The following EPHA3 variants were observed in gnomAD, a reference collection of about 807,000 sequenced individuals.
The protein encoded by EPHA3 is EPH receptor A3, also known as ephrin type-A receptor 3.
EPHA3 carries 42 observed loss-of-function variants against 107.1 expected under a neutral mutation model. That is an observed-to-expected ratio of 0.39 (90% CI 0.31 to 0.51). The LOEUF is 0.51. Ranked by LOEUF, EPHA3 falls within the 20% of genes least tolerant of loss-of-function variation. EPHA3 has a pLI of 0.78. For missense variants in EPHA3, 1,183 were observed against 1,211.2 expected, an observed-to-expected ratio of 0.98 and a Z score of 0.35; for synonymous variants, 461 against 424.8, an observed-to-expected ratio of 1.09 and a Z score of -1.05.
intron 2 of EPHA3, among the ~76,000 whole-genome samples, chr3:89,197,024 G>T (rs1253927126): frequency 6.6e-6 from 1 of 152,092 alleles, no homozygotes; most frequent in Non-Finnish European, 1.5e-5. Context: ...CTTCAGCACA[G>T]CAGCCTGTGA....
intron 3 of EPHA3, among the ~76,000 whole-genome samples, chr3:89,242,874 T>A (rs1158607616): frequency 2.2e-4 from 34 of 151,900 alleles, no homozygotes; most frequent in Middle Eastern, 3.4e-3. Context: ...ATTTAACGTT[T>A]GGTATATCTC....
chr3:89,217,786 A>G (rs1704253432), intron 3 of EPHA3, among the ~76,000 whole-genome samples: 1 of 152,236 alleles, frequency 6.6e-6, no homozygotes, highest in South Asian at 2.1e-4. Context: ...CTTTTTTAAC[A>G]TGAAGACTAA....
intron 3 of EPHA3, among the ~76,000 whole-genome samples, chr3:89,323,502 G>A (rs1707090720): frequency 6.6e-6 from 1 of 152,062 alleles, no homozygotes; most frequent in South Asian, 2.1e-4. Flanking sequence ...ACTTTAAATT[G>A]TTGGTCCAAT....
At chr3:89,359,456 G>T (rs1708039574) in intron 5 of EPHA3, among the ~76,000 whole-genome samples, 1 of 150,554 alleles carries the variant, frequency 6.6e-6, no homozygotes, top group African/African-American at 2.4e-5. Context: ...TGCACACTTT[G>T]TTGAGAAGTA....
chr3:89,216,593 G>A (rs553177193), intron 3 of EPHA3, among the ~76,000 whole-genome samples: 18 of 152,072 alleles, frequency 1.2e-4, no homozygotes, highest in African/African-American at 4.3e-4. Context: ...TTAACTTAAG[G>A]TGTTTTATAT....
intron 3 of EPHA3, among the ~76,000 whole-genome samples, chr3:89,303,991 T>C (rs1376410563): frequency 2.0e-5 from 3 of 152,328 alleles, no homozygotes; most frequent in South Asian, 4.1e-4. Context: ...TTTTCCTTGC[T>C]GATTTTCAAA....
intron 3 of EPHA3, among the ~76,000 whole-genome samples, chr3:89,260,129 T>C (rs1705380818): frequency 1.3e-5 from 2 of 152,348 alleles, no homozygotes; most frequent in South Asian, 4.1e-4. Flanking sequence ...TGAGTAATGC[T>C]GAAATGAACA....
At chr3:89,116,859 T>C (rs1407953317) in intron 1 of EPHA3, among the ~76,000 whole-genome samples, 2 of 152,138 alleles carry the variant, frequency 1.3e-5, no homozygotes, top group Non-Finnish European at 2.9e-5. Context: ...AGAATTCATG[T>C]CAATTACTCA....
At chr3:89,322,138 G>C (rs1707057946) in intron 3 of EPHA3, among the ~76,000 whole-genome samples, 1 of 151,662 alleles carries the variant, frequency 6.6e-6, no homozygotes, top group African/African-American at 2.4e-5. Flanking sequence ...GGGTTGGAGA[G>C]AGAGAGAGAG....
intron 5 of EPHA3, among the ~76,000 whole-genome samples, chr3:89,356,857 C>A (rs1310548542): frequency 6.6e-6 from 1 of 150,444 alleles, no homozygotes; most frequent in Admixed American, 6.7e-5. Context: ...GGACAACCAA[C>A]ACTTTGGGCA....
intron 9 of EPHA3, among the ~76,000 whole-genome samples, chr3:89,411,427 G>A (rs528038563): frequency 6.6e-6 from 1 of 151,928 alleles, no homozygotes; most frequent in South Asian, 2.1e-4. Context: ...AGTAGGAGTC[G>A]TGTTAGCTTT....
intron 10 of EPHA3, 38 bp from the exon 11 acceptor site, chr3:89,419,167 A>G (rs757028231): frequency 6.6e-7 from 1 of 1,524,728 alleles, no homozygotes; most frequent in East Asian, 2.3e-5. Flanking sequence ...TTTATTATAG[A>G]ATTCCTTACA....
chr3:89,381,827 G>A (rs572736193), intron 5 of EPHA3, among the ~76,000 whole-genome samples: 5 of 152,192 alleles, frequency 3.3e-5, no homozygotes, highest in African/African-American at 4.8e-5. Flanking sequence ...GCTAGAATGC[G>A]CAATCTATGA....
At chr3:89,257,000 T>A (rs550143272) in intron 3 of EPHA3, among the ~76,000 whole-genome samples, 121 of 152,374 alleles carry the variant, frequency 7.9e-4, no homozygotes, top group Middle Eastern at 6.8e-3. Context: ...AACAGTTCAC[T>A]GTACTAAGTA....
chr3:89,235,626 A>AG (rs1491330340), intron 3 of EPHA3, among the ~76,000 whole-genome samples: 1 of 152,010 alleles, frequency 6.6e-6, no homozygotes, highest in African/African-American at 2.4e-5. Flanking sequence ...TAGAAAAAAA[A>AG]GAGTATATTT....
chr3:89,126,616 A>G (rs1396036885), intron 1 of EPHA3, among the ~76,000 whole-genome samples: 10 of 151,680 alleles, frequency 6.6e-5, no homozygotes, highest in Admixed American at 2.6e-4. Context: ...ATTATAAAAC[A>G]TAGTTTTACT....
intron 5 of EPHA3, among the ~76,000 whole-genome samples, chr3:89,357,106 C>CAAAAAAAAAAAAAAAAAA (rs56717904): frequency 1.9e-4 from 3 of 15,978 alleles, no homozygotes; most frequent in African/African-American, 4.3e-4. Flanking sequence ...GACCCTGTCT[C>CAAAAAAAAAAAAAAAAAA]AAAAAAAAAA....
At chr3:89,411,159 G>C (rs1233051744) in intron 9 of EPHA3, among the ~76,000 whole-genome samples, 3 of 151,600 alleles carry the variant, frequency 2.0e-5, no homozygotes, top group Admixed American at 6.6e-5. Flanking sequence ...CATTTGAATA[G>C]TATAGCTTTT....
chr3:89,423,558 C>T (rs1709395026), intron 11 of EPHA3, among the ~76,000 whole-genome samples: 1 of 151,234 alleles, frequency 6.6e-6, no homozygotes, highest in African/African-American at 2.4e-5. Context: ...ATTTTGGAAA[C>T]TCTAATGACC....
Sources: allele counts gnomAD v4.1 joint callset (sites outside exome capture counted in the v4.1 genomes callset), GRCh38; gene constraint gnomAD v4.1.1; transcripts MANE v1.5; gene names NCBI Gene and HGNC (gene_info 2026-07-23, HGNC 2026-07-21).